ROBO2: variants seen among roughly 807,000 people sequenced by gnomAD.
ROBO2 encodes the protein roundabout homolog 2.
ROBO2 carries 53 observed loss-of-function variants against 160.8 expected under a neutral mutation model. That is an observed-to-expected ratio of 0.33 (90% CI 0.26 to 0.41). The LOEUF (loss-of-function observed/expected upper bound fraction) is 0.41. Ranked by LOEUF, ROBO2 falls within the 10% of genes least tolerant of loss-of-function variation. The probability of loss-of-function intolerance (pLI) is 1.00; values close to 1 mark genes in which losing one functional copy is unlikely to be tolerated. For synonymous variants in ROBO2, 664 were observed against 611.7 expected, an observed-to-expected ratio of 1.09 and a Z score of -1.26; for missense variants, 1,577 against 1,722.4, an observed-to-expected ratio of 0.92 and a Z score of 1.49.
At position 76,123,071 on chromosome 3, in the gene ROBO2, T is replaced by G. The variant is rs1256723572; in HGVS notation, c.109+185469T>G. On this transcript the variant is annotated intron_variant, in intron 2 of 26. Transcript: ENST00000487694. ...CTGTTTTCATATTTTCTTTCATTTT[T>G]TATGGAACTTTCACAGCTCAGTTTT... 2.6e-5 allele frequency among the ~76,000 whole-genome samples: 4 copies of G among 152,232 alleles called. No individual in the cohort carries two copies. The South Asian group carries it at 8.3e-4, about 32-fold the overall frequency.
At chr3:76,539,203 A>G (rs1395930421) in intron 2 of ROBO2, among the ~76,000 whole-genome samples, 1 of 152,056 alleles carries the variant, frequency 6.6e-6, no homozygotes, top group Non-Finnish European at 1.5e-5. Context: ...GGGGGATGAG[A>G]GGAAAGGGGA....
At chr3:76,931,533 C>T (rs2077338552) in intron 2 of ROBO2, among the ~76,000 whole-genome samples, 1 of 139,478 alleles carries the variant, frequency 7.2e-6, no homozygotes, top group Admixed American at 7.1e-5. Context: ...ACCACTATGA[C>T]TTTGTGTGCT....
intron 2 of ROBO2, among the ~76,000 whole-genome samples, chr3:76,906,052 C>A (rs568354648): frequency 6.6e-6 from 1 of 152,236 alleles, no homozygotes; most frequent in African/African-American, 2.4e-5. Flanking sequence ...AGCAACCACA[C>A]AGATAATGAA....
chr3:76,073,267 C>CTTTTTTTTTTTTTTTTTTTTT (rs869307615), intron 2 of ROBO2, among the ~76,000 whole-genome samples: 3 of 57,368 alleles, frequency 5.2e-5, no homozygotes, highest in Non-Finnish European at 1.1e-4. Context: ...AATGAGTATT[C>CTTTTTTTTTTTTTTTTTTTTT]TTTTTTTTTT....
rs116438897 is a variant in ROBO2, at chr3:76,666,316, A to G, written c.110-431698A>G. ...ATTAGATTGTGAGCTGAAGTTCTCA[A>G]TGATGACCAACTTTTAAGCAGGCAA... On this transcript the variant is annotated intron_variant, in intron 2 of 26. Transcript: ENST00000487694. Among the ~76,000 whole-genome samples, 161 of 152,208 alleles carry G rather than the reference A, an allele frequency of 1.1e-3. 1 individual carries two copies. Among genetic ancestry groups the G allele is most frequent in the African/African-American group, 3.7e-3 (154 of 41,568 alleles).
At chr3:76,756,334 TGTA>T (rs1211724444) in intron 2 of ROBO2, among the ~76,000 whole-genome samples, 1 of 151,824 alleles carries the variant, frequency 6.6e-6, no homozygotes, top group Non-Finnish European at 1.5e-5. Flanking sequence ...GGAGGTGAAA[TGTA>T]GTAATGGATT....
intron 2 of ROBO2, among the ~76,000 whole-genome samples, chr3:76,065,365 C>T (rs567083514): frequency 1.3e-5 from 2 of 152,150 alleles, no homozygotes; most frequent in South Asian, 2.1e-4. Flanking sequence ...AAGATGACTA[C>T]AAAGCAGCTT....
chr3:76,605,706 A>G (rs1348342054), intron 2 of ROBO2, among the ~76,000 whole-genome samples: 1 of 152,138 alleles, frequency 6.6e-6, no homozygotes, highest in East Asian at 1.9e-4. Context: ...GAAATTAGGG[A>G]TATTTAACAT....
chr3:77,623,165 T>C (rs1029932722), intron 23 of ROBO2, among the ~76,000 whole-genome samples: 6 of 152,150 alleles, frequency 3.9e-5, no homozygotes, highest in Non-Finnish European at 7.4e-5. Flanking sequence ...CACAATGAAT[T>C]TGGAGAAAAC....
chr3:76,096,933 G>A (rs922472740), intron 2 of ROBO2, among the ~76,000 whole-genome samples: 3 of 152,104 alleles, frequency 2.0e-5, no homozygotes, highest in Admixed American at 1.3e-4. Flanking sequence ...ATGGGCAGAC[G>A]ACTGACAAAA....
At chr3:76,696,387 T>C (rs2092927738) in intron 2 of ROBO2, among the ~76,000 whole-genome samples, 1 of 152,122 alleles carries the variant, frequency 6.6e-6, no homozygotes, top group Non-Finnish European at 1.5e-5. Context: ...ATCTCTTTTT[T>C]TTTTTTTCAG....
chr3:76,559,420 C>T (rs760076333), intron 2 of ROBO2, among the ~76,000 whole-genome samples: 1 of 152,054 alleles, frequency 6.6e-6, no homozygotes, highest in South Asian at 2.1e-4. Context: ...CATGGGTGTA[C>T]TGGGTGGAAC....
intron 2 of ROBO2, among the ~76,000 whole-genome samples, chr3:76,557,804 G>A (rs190210700): frequency 2.0e-5 from 3 of 150,606 alleles, no homozygotes; most frequent in East Asian, 2.0e-4. Flanking sequence ...TTTTCTTACC[G>A]AGTTCCTGGC....
chr3:77,434,385 T>C (rs1474241569), intron 2 of ROBO2, among the ~76,000 whole-genome samples: 1 of 152,152 alleles, frequency 6.6e-6, no homozygotes, highest in Non-Finnish European at 1.5e-5. Context: ...GTGTAAAATG[T>C]GTCAGCCTCA....
intron 13 of ROBO2, among the ~76,000 whole-genome samples, chr3:77,570,472 T>C (rs1583015002): frequency 6.6e-6 from 1 of 152,114 alleles, no homozygotes; most frequent in East Asian, 1.9e-4. Context: ...GCAGAGTGTC[T>C]ATTATGAAGT....
intron 2 of ROBO2, among the ~76,000 whole-genome samples, chr3:77,378,949 C>CTT (rs759492704): frequency 7.0e-6 from 1 of 142,626 alleles, no homozygotes; most frequent in African/African-American, 2.5e-5. Flanking sequence ...TCTGTGTCTT[C>CTT]TTTTTTTTTT....
At chr3:76,957,999 C>T (rs754836486) in intron 2 of ROBO2, among the ~76,000 whole-genome samples, 5 of 152,168 alleles carry the variant, frequency 3.3e-5, no homozygotes, top group Admixed American at 6.6e-5. Context: ...GATTTCTCCT[C>T]GCTTTCTACT....
upstream of ROBO2, among the ~76,000 whole-genome samples, chr3:77,035,701 A>G (rs575428301): frequency 1.3e-5 from 2 of 152,050 alleles, no homozygotes; most frequent in African/African-American, 4.8e-5. Context: ...TTTCAGAAGA[A>G]CAATATTCAT....
intron 2 of ROBO2, among the ~76,000 whole-genome samples, chr3:76,907,823 G>GTGTGTGTGTGTGTGTGTGTGT (rs2075705102): frequency 1.4e-5 from 2 of 145,526 alleles, no homozygotes; most frequent in African/African-American, 5.1e-5. Context: ...GTTTGTTTGG[G>GTGTGTGTGTGTGTGTGTGTGT]GTGTGTGTGT....
Sources: allele counts gnomAD v4.1 joint callset (sites outside exome capture counted in the v4.1 genomes callset), GRCh38; gene constraint gnomAD v4.1.1; transcripts MANE v1.5; gene names NCBI Gene and HGNC (gene_info 2026-07-23, HGNC 2026-07-21).